The following GDAP1 variants were observed in gnomAD, a reference collection of about 807,000 sequenced individuals.
GDAP1 encodes the protein ganglioside-induced differentiation-associated protein 1.
GDAP1 carries 34 observed loss-of-function variants against 40.1 expected under a neutral mutation model. The ratio of observed to expected loss-of-function variants is 0.85; its 90% CI spans 0.64 to 1.13. GDAP1 has a LOEUF of 1.13. Among genes scored for constraint, GDAP1 ranks in the 50% most tolerant of loss-of-function variants. The pLI is 0.00. For synonymous variants in GDAP1, 170 were observed against 157.4 expected, an observed-to-expected ratio of 1.08 and a Z score of -0.60; for missense variants, 374 against 433.7, an observed-to-expected ratio of 0.86 and a Z score of 1.22.
intron 2 of GDAP1, among the ~76,000 whole-genome samples, chr8:74,457,546 T>C (rs1484357952): frequency 6.6e-6 from 1 of 151,744 alleles, no homozygotes; most frequent in Non-Finnish European, 1.5e-5. Context: ...TATCAGATTG[T>C]TTCAAACTAT....
At chr8:74,374,887 A>T (rs745539775) in intron 2 of GDAP1, among the ~76,000 whole-genome samples, 2 of 152,192 alleles carry the variant, frequency 1.3e-5, no homozygotes, top group African/African-American at 2.4e-5. Context: ...CAAGGCCTAA[A>T]TGGTTTTATT....
rs147255665 is a variant in GDAP1 at position 74,402,341 on chromosome 8, C to T, written c.165+51020C>T. ...CTAGCAATCAGCGAGACTCCGTGGG[C>T]GTAGGACCCTCCGAGCCAGTTGCGG... is the stretch of plus-strand genomic sequence containing the variant. On this transcript the variant is annotated intron_variant, in intron 2 of 2. Transcript: ENST00000523640. 6.1e-3 allele frequency among the ~76,000 whole-genome samples: 917 copies of T among 150,484 alleles called. 94 individuals are homozygous for T. The highest frequency in any genetic ancestry group is 0.021 in the African/African-American group (855 of 39,772).
At chr8:74,401,720 A>G (rs1810344869) in intron 2 of GDAP1, among the ~76,000 whole-genome samples, 1 of 149,740 alleles carries the variant, frequency 6.7e-6, no homozygotes, top group Non-Finnish European at 1.5e-5. Flanking sequence ...GGTGATGTAC[A>G]GATGGGTTTT....
At chr8:74,371,614 C>A (rs11986914), downstream of GDAP1, among the ~76,000 whole-genome samples, 1 of 150,746 alleles carries the variant, frequency 6.6e-6, no homozygotes, top group South Asian at 2.1e-4. Context: ...GAGCCGAGAT[C>A]GCGCCACTGC....
chr8:74,353,743 G>A (rs868022734), intron 2 of GDAP1, among the ~76,000 whole-genome samples: 5 of 152,292 alleles, frequency 3.3e-5, no homozygotes, highest in Middle Eastern at 3.4e-3. Flanking sequence ...GTTTTAACAA[G>A]AGCCCCATGT....
In GDAP1 at chr8:74,393,508, C is replaced by G. The variant is rs145416763; in HGVS notation, c.165+42187C>G. On this transcript the variant is annotated intron_variant, in intron 2 of 2. Coordinates refer to the GDAP1 transcript ENST00000523640. The stretch of plus-strand genomic sequence containing the variant: ...GTGAGGTATCCTGGATCAAAATGTT[C>G]TGAACAGCCTAGAAAAATGATAATG... Among the ~76,000 whole-genome samples, 549 of 152,208 alleles carry G rather than the reference C, an allele frequency of 3.6e-3. 2 individuals carry two copies. Among genetic ancestry groups the G allele is most frequent in the Admixed American group, 6.9e-3 (105 of 15,286 alleles).
Position 74,391,624 on chromosome 8 carries a change from C to T in GDAP1, c.165+40303C>T, listed in dbSNP as rs73347283. On this transcript the variant is annotated intron_variant, in intron 2 of 2. Transcript: ENST00000523640. Reference sequence around the variant, plus strand: ...GCTGCAGACTGGAGATGTTACTATTCGGCCATCTTGCCAGCCACCCCCACA... The same window carrying T: ...GCTGCAGACTGGAGATGTTACTATTTGGCCATCTTGCCAGCCACCCCCACA... Among the ~76,000 whole-genome samples, 844 of 151,964 alleles carry T rather than the reference C, an allele frequency of 5.6e-3. 8 individuals carry two copies. The highest frequency in any genetic ancestry group is 0.018 in the African/African-American group (741 of 41,438).
At chr8:74,419,271 C>T (rs982278355) in intron 2 of GDAP1, among the ~76,000 whole-genome samples, 1 of 152,130 alleles carries the variant, frequency 6.6e-6, no homozygotes, top group African/African-American at 2.4e-5. Context: ...AAGTAGAAAC[C>T]ATCCAAATGT....
At chr8:74,471,792 T>C (rs1806560282) in intron 2 of GDAP1, among the ~76,000 whole-genome samples, 1 of 152,198 alleles carries the variant, frequency 6.6e-6, no homozygotes. Context: ...TTCATCTGGC[T>C]TCTTTTACTT....
rs963571960 is a variant in GDAP1, at chr8:74,429,704, G to A, written c.166-58974G>A. ...TCGTTTAACTTAATTACCCTTTAAC[G>A]GCCCTATTTACAAATACAGTCATAC... On this transcript the variant is annotated intron_variant, in intron 2 of 2. Coordinates refer to the GDAP1 transcript ENST00000523640. Among the ~76,000 whole-genome samples, 5 of 152,166 alleles carry A rather than the reference G, an allele frequency of 3.3e-5. No homozygotes were observed. In the East Asian group the frequency reaches 5.8e-4, roughly 18 times the overall value.
intron 2 of GDAP1, among the ~76,000 whole-genome samples, chr8:74,422,734 A>G (rs1393244812): frequency 6.6e-6 from 1 of 151,622 alleles, no homozygotes; most frequent in African/African-American, 2.4e-5. Flanking sequence ...TTTATTCTTT[A>G]TTTCATTTTA....
intron 2 of GDAP1, among the ~76,000 whole-genome samples, chr8:74,419,442 T>C (rs2131558136): frequency 6.6e-6 from 1 of 152,282 alleles, no homozygotes; most frequent in East Asian, 1.9e-4. Context: ...CCATTTATAT[T>C]ACATTCTTGG....
At chr8:74,385,901 C>G (rs1810018176) in intron 2 of GDAP1, among the ~76,000 whole-genome samples, 2 of 152,138 alleles carry the variant, frequency 1.3e-5, no homozygotes, top group Admixed American at 1.3e-4. Context: ...GAGATGGTAT[C>G]TCATTGTGGT....
chr8:74,482,887 C>T (rs1245359812), intron 2 of GDAP1, among the ~76,000 whole-genome samples: 1 of 152,182 alleles, frequency 6.6e-6, no homozygotes, highest in Non-Finnish European at 1.5e-5. Flanking sequence ...GCTCTTTCCT[C>T]TGTTTTAACA....
intron 2 of GDAP1, among the ~76,000 whole-genome samples, chr8:74,439,637 T>C (rs1260344865): frequency 1.3e-5 from 2 of 151,984 alleles, no homozygotes; most frequent in Non-Finnish European, 2.9e-5. Flanking sequence ...CTAATATTGT[T>C]TTCATTAATG....
At chr8:74,359,302 T>A (rs1299498994) in intron 2 of GDAP1, among the ~76,000 whole-genome samples, 1 of 152,214 alleles carries the variant, frequency 6.6e-6, no homozygotes, top group Admixed American at 6.5e-5. Flanking sequence ...AATTTTGGAA[T>A]GTATTCATTG....
At position 74,449,717 on chromosome 8, in the gene GDAP1, A is replaced by C. The variant is rs1337971965; in HGVS notation, c.166-38961A>C. The stretch of plus-strand genomic sequence containing the variant: ...ACTGTTTTTGTATTTTTATGTGCAG[A>C]ATCATGTCATCTGTGAATAAGGGCA... On this transcript the variant is annotated intron_variant, in intron 2 of 2. Coordinates refer to the GDAP1 transcript ENST00000523640. 5.3e-5 allele frequency among the ~76,000 whole-genome samples: 8 copies of C among 151,836 alleles called. No homozygotes were observed. The East Asian group carries it at 1.5e-3, about 29-fold the overall frequency.
chr8:74,383,783 C>A (rs555361339), intron 2 of GDAP1, among the ~76,000 whole-genome samples: 1 of 152,108 alleles, frequency 6.6e-6, no homozygotes, highest in African/African-American at 2.4e-5. Flanking sequence ...TTAGCTGCAC[C>A]TATTGCCGAT....
intron 2 of GDAP1, among the ~76,000 whole-genome samples, chr8:74,475,214 A>AT (rs951988022): frequency 1.1e-3 from 160 of 149,898 alleles, no homozygotes; most frequent in African/African-American, 3.7e-3. Flanking sequence ...TCTTATTATT[A>AT]TTTTTTTTCA....
Sources: gnomAD v4.1 joint callset for allele counts (sites outside exome capture counted in the v4.1 genomes callset) on GRCh38, gnomAD v4.1.1 for gene constraint, MANE v1.5 for transcripts, NCBI Gene and HGNC (gene_info 2026-07-23, HGNC 2026-07-21) for gene names.